The following TRPC6 variants were observed in gnomAD, a reference collection of about 807,000 sequenced individuals.
The protein encoded by TRPC6 is transient receptor potential cation channel subfamily C member 6.
TRPC6 carries 55 observed loss-of-function variants against 90.7 expected under a neutral mutation model. The ratio of observed to expected loss-of-function variants is 0.61; its 90% CI spans 0.49 to 0.76. TRPC6 has a LOEUF of 0.76. Ranked by LOEUF, TRPC6 falls within the 30% of genes least tolerant of loss-of-function variation. The pLI, the probability that TRPC6 is intolerant of heterozygous loss-of-function variation, is 0.00. For synonymous variants in TRPC6, 393 were observed against 393.0 expected, an observed-to-expected ratio of 1.00 and a Z score of 0.00; for missense variants, 989 against 1,122.7, an observed-to-expected ratio of 0.88 and a Z score of 1.70.
chr11:101,461,511 G>T (rs756641569), intron 10 of TRPC6, among the ~76,000 whole-genome samples: 10 of 152,208 alleles, frequency 6.6e-5, no homozygotes, highest in Non-Finnish European at 1.2e-4. Context: ...GGTCCAGGCT[G>T]CAGCAAGCCA....
chr11:101,549,178 C>A (rs1206689520), intron 1 of TRPC6, among the ~76,000 whole-genome samples: 6 of 151,742 alleles, frequency 4.0e-5, no homozygotes, highest in Non-Finnish European at 5.9e-5. Context: ...GATTTAAGAG[C>A]AAGTGAAGTA....
At chr11:101,566,035 AT>A (rs992714502) in intron 1 of TRPC6, among the ~76,000 whole-genome samples, 8 of 152,122 alleles carry the variant, frequency 5.3e-5, no homozygotes, top group African/African-American at 1.9e-4. Context: ...TTTCTAGTAA[AT>A]GGTTATTAGA....
chr11:101,482,842 G>A (rs765714468), intron 5 of TRPC6, 107 bp downstream of exon 5: 8 of 1,170,992 alleles, frequency 6.8e-6, no homozygotes, highest in East Asian at 2.4e-5. Flanking sequence ...GTGGTGCACT[G>A]TATCATGCTG....
At chr11:101,572,758 A>T (rs1000934365) in intron 1 of TRPC6, among the ~76,000 whole-genome samples, 1 of 152,168 alleles carries the variant, frequency 6.6e-6, no homozygotes, top group Non-Finnish European at 1.5e-5. Context: ...TAACACAAGA[A>T]CCGAAAACCA....
rs144416835 is a variant in TRPC6 at position 101,563,988 on chromosome 11, A to G, written c.170+19346T>C. On this transcript the variant is annotated intron_variant, in intron 1 of 12. Coordinates refer to ENST00000344327, the MANE Select transcript of TRPC6 (RefSeq NM_004621.6). ...ACAGAAACAGAATGTTACTGCACGCATTGCAGGATTTAACAAACTTGTCCT... is the reference window on the plus strand; with the variant it reads ...ACAGAAACAGAATGTTACTGCACGCGTTGCAGGATTTAACAAACTTGTCCT... Among the ~76,000 whole-genome samples the G allele has an allele frequency of 8.0e-3, 1,218 of 152,204 alleles. 10 individuals are homozygous for G. The highest frequency in any genetic ancestry group is 0.014 in the Non-Finnish European group (936 of 68,008).
chr11:101,494,578 C>G (rs1278079379), intron 2 of TRPC6, among the ~76,000 whole-genome samples: 1 of 152,068 alleles, frequency 6.6e-6, no homozygotes, highest in African/African-American at 2.4e-5. Flanking sequence ...AATTCTTAGT[C>G]CTTTTAAAAG....
intron 1 of TRPC6, among the ~76,000 whole-genome samples, chr11:101,510,468 GCTCTT>G (rs1205665298): frequency 7.2e-5 from 11 of 152,116 alleles, no homozygotes; most frequent in African/African-American, 2.7e-4. Context: ...TTCAAATTCG[GCTCTT>G]CTATTTATGA....
chr11:101,519,571 C>T (rs1313170653), intron 1 of TRPC6, among the ~76,000 whole-genome samples: 1 of 151,978 alleles, frequency 6.6e-6, no homozygotes, highest in African/African-American at 2.4e-5. Context: ...CCATCTTGAT[C>T]CTTATGTCAG....
intron 6 of TRPC6, among the ~76,000 whole-genome samples, chr11:101,475,121 AG>A (rs1339537110): frequency 1.3e-5 from 2 of 152,132 alleles, no homozygotes; most frequent in Non-Finnish European, 2.9e-5. Flanking sequence ...GGATTTTATC[AG>A]TGTTAGAGGT....
At chr11:101,455,274 A>T in intron 10 of TRPC6, 173 bp from the exon 11 acceptor site, 1 of 589,486 alleles carries the variant, frequency 1.7e-6, no homozygotes, top group East Asian at 3.0e-5. Flanking sequence ...GTGACATTTT[A>T]GGTGTGTTCA....
intron 3 of TRPC6, among the ~76,000 whole-genome samples, chr11:101,489,508 CA>C (rs1253345889): frequency 1.3e-4 from 20 of 152,180 alleles, no homozygotes; most frequent in African/African-American, 4.8e-4. Flanking sequence ...TCTAAAATGT[CA>C]CAGAGTTTAT....
At position 101,521,475 on chromosome 11, in the gene TRPC6, C is replaced by G. The variant is rs143163888; in HGVS notation, c.171-16677G>C. Among the ~76,000 whole-genome samples, 260 of 152,364 alleles carry G rather than the reference C, an allele frequency of 1.7e-3. 3 individuals carry two copies. The South Asian group carries it at 0.017, about 10-fold the overall frequency. On this transcript the variant is annotated intron_variant, in intron 1 of 12. Transcript: ENST00000344327. ...TCCATGTCCAGGCAGAAGTCTACTGCAGGGGCTGCGCCCTCATGAGGAACC... is the reference window on the plus strand; with the variant it reads ...TCCATGTCCAGGCAGAAGTCTACTGGAGGGGCTGCGCCCTCATGAGGAACC...
chr11:101,508,706 T>C (rs1052410595), intron 1 of TRPC6, among the ~76,000 whole-genome samples: 2 of 152,024 alleles, frequency 1.3e-5, no homozygotes, highest in African/African-American at 4.8e-5. Context: ...AAACTGTAAA[T>C]TTAAGGGAGA....
chr11:101,510,481 T>C (rs1256585573), intron 1 of TRPC6, among the ~76,000 whole-genome samples: 1 of 152,170 alleles, frequency 6.6e-6, no homozygotes, highest in Non-Finnish European at 1.5e-5. Context: ...CTTCTATTTA[T>C]GAAAATATTT....
chr11:101,558,362 TGG>T (rs1391346436), intron 1 of TRPC6, among the ~76,000 whole-genome samples: 3 of 101,418 alleles, frequency 3.0e-5, no homozygotes, highest in African/African-American at 7.3e-5. Context: ...TACATGTATA[TGG>T]GTATACATGT....
chr11:101,489,605 T>C (rs1859757304), intron 3 of TRPC6, among the ~76,000 whole-genome samples: 1 of 151,070 alleles, frequency 6.6e-6, no homozygotes, highest in Non-Finnish European at 1.5e-5. Flanking sequence ...TGCCAAAAAC[T>C]CTTTCACTTA....
chr11:101,540,307 G>A (rs1861140021), intron 1 of TRPC6, among the ~76,000 whole-genome samples: 2 of 152,228 alleles, frequency 1.3e-5, no homozygotes, highest in Non-Finnish European at 2.9e-5. Context: ...AAGGAACATT[G>A]TGAGAGTTAA....
chr11:101,494,680 A>C (rs905131232), intron 2 of TRPC6, among the ~76,000 whole-genome samples: 4 of 152,224 alleles, frequency 2.6e-5, no homozygotes, highest in African/African-American at 9.6e-5. Flanking sequence ...GATCTTTCAA[A>C]TGTAGGTAAC....
chr11:101,479,280 G>C (rs116875580), intron 5 of TRPC6, among the ~76,000 whole-genome samples: 62 of 152,314 alleles, frequency 4.1e-4, no homozygotes, highest in African/African-American at 1.4e-3. Flanking sequence ...GTCAGCCCAG[G>C]ACTGCATCTG....
Sources: gnomAD v4.1 joint callset for allele counts (sites outside exome capture counted in the v4.1 genomes callset) on GRCh38, gnomAD v4.1.1 for gene constraint, MANE v1.5 for transcripts, NCBI Gene and HGNC (gene_info 2026-07-23, HGNC 2026-07-21) for gene names.